The following PEAK1 variants were observed in gnomAD, a reference collection of about 807,000 sequenced individuals.
PEAK1 encodes the protein pseudopodium enriched atypical kinase 1, also known as inactive tyrosine-protein kinase PEAK1.
In PEAK1, 54 loss-of-function variants were observed where a neutral mutation model predicts 124.7. The observed-to-expected ratio is 0.43, with a 90% CI of 0.35 to 0.54. The LOEUF (loss-of-function observed/expected upper bound fraction) is 0.54, where lower values mean the gene tolerates loss of function less well. Ranked by LOEUF, PEAK1 falls within the 20% of genes least tolerant of loss-of-function variation. The pLI, the probability that PEAK1 is intolerant of heterozygous loss-of-function variation, is 0.01. For synonymous variants in PEAK1, 719 were observed against 760.0 expected, an observed-to-expected ratio of 0.95 and a Z score of 0.89; for missense variants, 2,046 against 2,134.5, an observed-to-expected ratio of 0.96 and a Z score of 0.82.
intron 2 of PEAK1, chr15:77,351,931 T>G (rs1212648912): frequency 1.0e-6 from 1 of 985,222 alleles, no homozygotes; most frequent in Admixed American, 6.2e-5. Flanking sequence ...TATAAGATTA[T>G]TAAAATCAGC....
chr15:77,282,122 T>C (rs1472406525), intron 5 of PEAK1, among the ~76,000 whole-genome samples: 1 of 152,212 alleles, frequency 6.6e-6, no homozygotes, highest in African/African-American at 2.4e-5. Context: ...ATCAAATTTA[T>C]TTCCTGTGTG....
chr15:77,355,007 C>G (rs1359369289), intron 2 of PEAK1, among the ~76,000 whole-genome samples: 1 of 151,910 alleles, frequency 6.6e-6, no homozygotes, highest in South Asian at 2.1e-4. Context: ...CCACTGCACT[C>G]CAGCCTGGGC....
chr15:77,182,280 G>A (rs2057314909), intron 6 of PEAK1, among the ~76,000 whole-genome samples: 1 of 152,044 alleles, frequency 6.6e-6, no homozygotes, highest in Non-Finnish European at 1.5e-5. Context: ...TCAGCTTGAT[G>A]TCTCTGTTGC....
intron 2 of PEAK1, chr15:77,336,331 C>A: frequency 1.0e-6 from 1 of 985,416 alleles, no homozygotes; most frequent in African/African-American, 1.7e-5. Flanking sequence ...AGGGCTCACC[C>A]TCATATTCTC....
At chr15:77,175,250 A>T (rs1042195504) in intron 7 of PEAK1, among the ~76,000 whole-genome samples, 3 of 152,188 alleles carry the variant, frequency 2.0e-5, no homozygotes, top group Non-Finnish European at 2.9e-5. Flanking sequence ...AAATTGACAA[A>T]TGGGATCTAA....
intron 1 of PEAK1, among the ~76,000 whole-genome samples, chr15:77,393,024 G>A (rs978008887): frequency 1.4e-4 from 21 of 152,264 alleles, no homozygotes; most frequent in Admixed American, 1.2e-3. Flanking sequence ...CTGTCACAGC[G>A]GAAAGCAAGA....
In PEAK1 at chr15:77,322,461, C is replaced by T. The variant is rs187978365; in HGVS notation, c.-602-35957G>A. Among the ~76,000 whole-genome samples the T allele has an allele frequency of 5.2e-3, 790 of 152,236 alleles. 5 individuals carry two copies. The highest frequency in any genetic ancestry group is 0.016 in the African/African-American group (682 of 41,544). ...ATAAAGGGGATATCACCACCGATCC[C>T]ACAGAAATACAAACTACCATCAGAG... On this transcript the variant is annotated intron_variant, in intron 2 of 9. Coordinates refer to ENST00000682557, the MANE Select transcript of PEAK1 (RefSeq NM_001385026.1).
At chr15:77,294,464 G>C (rs1218494752) in intron 2 of PEAK1, among the ~76,000 whole-genome samples, 1 of 152,062 alleles carries the variant, frequency 6.6e-6, no homozygotes, top group Non-Finnish European at 1.5e-5. Context: ...ACAAGTTATC[G>C]AGAGGTCTGA....
At chr15:77,262,417 C>A (rs2061488643) in intron 5 of PEAK1, among the ~76,000 whole-genome samples, 1 of 144,470 alleles carries the variant, frequency 6.9e-6, no homozygotes, top group East Asian at 2.0e-4. Context: ...GGAGGAAGAT[C>A]TACTAAGCAA....
chr15:77,127,219 C>A (rs1416368079), intron 9 of PEAK1, among the ~76,000 whole-genome samples: 1 of 152,154 alleles, frequency 6.6e-6, no homozygotes. Flanking sequence ...GGAAGAGAGC[C>A]CTCACTAGAA....
intron 7 of PEAK1, among the ~76,000 whole-genome samples, chr15:77,166,329 A>G (rs1307639135): frequency 6.6e-6 from 1 of 152,220 alleles, no homozygotes; most frequent in Admixed American, 6.5e-5. Context: ...ATAACAGCAA[A>G]TAATAATAGT....
intron 6 of PEAK1, among the ~76,000 whole-genome samples, chr15:77,223,924 T>C (rs1273094905): frequency 1.3e-5 from 2 of 149,454 alleles, no homozygotes; most frequent in Admixed American, 6.7e-5. Context: ...ATTTATTGCT[T>C]ACATCTGTTA....
At chr15:77,146,110 A>G (rs1039496924) in intron 8 of PEAK1, among the ~76,000 whole-genome samples, 1 of 152,216 alleles carries the variant, frequency 6.6e-6, no homozygotes, top group Non-Finnish European at 1.5e-5. Flanking sequence ...GGGGAATACA[A>G]AGAGTTTATA....
chr15:77,274,195 G>A (rs1280123911), intron 5 of PEAK1, among the ~76,000 whole-genome samples: 2 of 152,020 alleles, frequency 1.3e-5, no homozygotes, highest in African/African-American at 4.8e-5. Flanking sequence ...ATTGGGAAAA[G>A]CCTTCTAGAC....
At chr15:77,324,000 C>T (rs1039733744) in intron 2 of PEAK1, among the ~76,000 whole-genome samples, 2 of 152,186 alleles carry the variant, frequency 1.3e-5, no homozygotes, top group African/African-American at 4.8e-5. Flanking sequence ...ACCATCCGAT[C>T]TTTGATAAAC....
intron 2 of PEAK1, among the ~76,000 whole-genome samples, chr15:77,292,227 G>A (rs771013062): frequency 1.3e-5 from 2 of 152,038 alleles, no homozygotes; most frequent in African/African-American, 2.4e-5. Context: ...TAGGTTTCTA[G>A]GAGCCTCTGG....
At chr15:77,250,418 T>C (rs1333814967) in intron 6 of PEAK1, among the ~76,000 whole-genome samples, 1 of 150,338 alleles carries the variant, frequency 6.7e-6, no homozygotes, top group Admixed American at 6.7e-5. Flanking sequence ...GGCTAATTTT[T>C]GTGTTTTTTT....
chr15:77,350,668 A>C, intron 2 of PEAK1: 1 of 985,198 alleles, frequency 1.0e-6, no homozygotes, highest in Non-Finnish European at 1.2e-6. Context: ...AGATCCCCCT[A>C]CAGCTCAGTT....
chr15:77,375,015 C>T (rs1233314889), intron 1 of PEAK1, among the ~76,000 whole-genome samples: 1 of 152,018 alleles, frequency 6.6e-6, no homozygotes, highest in African/African-American at 2.4e-5. Context: ...TGATGTATTT[C>T]AACTTTAAGA....
Sources: allele counts gnomAD v4.1 joint callset (sites outside exome capture counted in the v4.1 genomes callset), GRCh38; gene constraint gnomAD v4.1.1; transcripts MANE v1.5; gene names NCBI Gene and HGNC (gene_info 2026-07-23, HGNC 2026-07-21).